The following GABRG1 variants were observed in gnomAD, a reference collection of about 807,000 sequenced individuals.
The protein encoded by GABRG1 is gamma-aminobutyric acid type A receptor subunit gamma1.
GABRG1 carries 49 observed loss-of-function variants against 49.8 expected under a neutral mutation model. The ratio of observed to expected loss-of-function variants is 0.98; its 90% CI spans 0.78 to 1.25. The LOEUF (loss-of-function observed/expected upper bound fraction) is 1.25, where lower values mean the gene tolerates loss of function less well. GABRG1 is among the 50% of genes most tolerant of loss of function. The probability of loss-of-function intolerance (pLI) is 0.00; values close to 1 mark genes in which losing one functional copy is unlikely to be tolerated. For missense variants in GABRG1, 552 were observed against 552.3 expected, an observed-to-expected ratio of 1.00 and a Z score of 0.01; for synonymous variants, 232 against 185.1, an observed-to-expected ratio of 1.25 and a Z score of -2.06.
chr4:46,083,786 A>G (rs1384262419), intron 3 of GABRG1, among the ~76,000 whole-genome samples, 200 bp downstream of exon 3: 2 of 151,532 alleles, frequency 1.3e-5, no homozygotes, highest in Admixed American at 6.6e-5. Flanking sequence ...AACACAGCAC[A>G]TTGGAATAAC....
intron 2 of GABRG1, among the ~76,000 whole-genome samples, chr4:46,096,524 T>C (rs940483702): frequency 6.6e-6 from 1 of 151,724 alleles, no homozygotes; most frequent in Non-Finnish European, 1.5e-5. Flanking sequence ...CCCTTTTATT[T>C]CTTTTCCCTA....
chr4:46,050,469 T>A (rs1718171592), intron 8 of GABRG1, among the ~76,000 whole-genome samples: 1 of 151,920 alleles, frequency 6.6e-6, no homozygotes, highest in Non-Finnish European at 1.5e-5. Flanking sequence ...ACTCATTATA[T>A]ATACATTAAG....
At chr4:46,057,826 C>T (rs576505320) in intron 7 of GABRG1, among the ~76,000 whole-genome samples, 1 of 152,084 alleles carries the variant, frequency 6.6e-6, no homozygotes, top group Admixed American at 6.6e-5. Context: ...CTGCACACCT[C>T]AGTAAATAAA....
At chr4:46,084,395 C>T (rs1719680682) in intron 2 of GABRG1, among the ~76,000 whole-genome samples, 2 of 151,708 alleles carry the variant, frequency 1.3e-5, no homozygotes, top group South Asian at 2.1e-4. Context: ...GTACTTATCA[C>T]TCATAATCGC....
chr4:46,088,009 A>AC (rs1719844625), intron 2 of GABRG1, among the ~76,000 whole-genome samples: 1 of 152,076 alleles, frequency 6.6e-6, no homozygotes, highest in Admixed American at 6.6e-5. Context: ...TCTTAACCAC[A>AC]CTAATCACAT....
chr4:46,066,268 AT>A (rs1210093717), intron 3 of GABRG1, among the ~76,000 whole-genome samples: 1 of 152,254 alleles, frequency 6.6e-6, no homozygotes, highest in South Asian at 2.1e-4. Flanking sequence ...AAACAACCAA[AT>A]TTTTTAAGAG....
chr4:46,050,109 T>C (rs1718158761), intron 8 of GABRG1, among the ~76,000 whole-genome samples: 1 of 151,834 alleles, frequency 6.6e-6, no homozygotes, highest in South Asian at 2.1e-4. Flanking sequence ...AAGCATTCAT[T>C]TTTCTTTATC....
At chr4:46,083,375 T>C (rs1719643241) in intron 3 of GABRG1, among the ~76,000 whole-genome samples, 1 of 151,644 alleles carries the variant, frequency 6.6e-6, no homozygotes. Flanking sequence ...TATTTAAAAA[T>C]GTACATCTGC....
Position 46,123,960 on chromosome 4 carries a change from C to T in GABRG1, c.-47G>A, listed in dbSNP as rs1721176896. ...GCTGCACTAGCTCAATTCTCCCAGC[C>T]AGGACTTTTCCTCCCACCTCAGCAG... On this transcript the variant is annotated 5_prime_UTR_variant, in exon 1 of 9. Transcript: ENST00000295452. 8.3e-6 allele frequency: 12 copies of T among 1,450,330 alleles called. No individual in the cohort carries two copies. The East Asian group carries it at 2.7e-4, about 33-fold the overall frequency. 89.8% of individuals were successfully genotyped at this position (1,450,330 alleles called of 1,614,324 possible).
At chr4:46,043,953 A>G (rs1717885240) in intron 8 of GABRG1, among the ~76,000 whole-genome samples, 1 of 152,012 alleles carries the variant, frequency 6.6e-6, no homozygotes, top group Non-Finnish European at 1.5e-5. Context: ...ATACCATCTG[A>G]TAATTATTAT....
chr4:46,091,089 G>A (rs1719974534), intron 2 of GABRG1, among the ~76,000 whole-genome samples: 1 of 151,614 alleles, frequency 6.6e-6, no homozygotes, highest in South Asian at 2.1e-4. Context: ...CCAAATATAA[G>A]CAGCTCCTAA....
At chr4:46,044,904 T>C (rs901036147) in intron 8 of GABRG1, among the ~76,000 whole-genome samples, 18 of 152,078 alleles carry the variant, frequency 1.2e-4, no homozygotes, top group Admixed American at 5.9e-4. Context: ...CTCTTGATGT[T>C]GGAACTGGAA....
intron 3 of GABRG1, among the ~76,000 whole-genome samples, chr4:46,075,837 G>GT (rs1017974286): frequency 2.0e-5 from 3 of 152,030 alleles, no homozygotes; most frequent in African/African-American, 7.2e-5. Flanking sequence ...AGGCCATTGA[G>GT]TGAAACAACT....
chr4:46,059,132 C>T (rs1448252449), intron 5 of GABRG1, among the ~76,000 whole-genome samples: 1 of 151,976 alleles, frequency 6.6e-6, no homozygotes, highest in Non-Finnish European at 1.5e-5. Flanking sequence ...CAAAGTTGTA[C>T]GTAGCTAAAT....
chr4:46,112,803 G>A (rs566434197), intron 1 of GABRG1, among the ~76,000 whole-genome samples: 1 of 151,168 alleles, frequency 6.6e-6, no homozygotes, highest in African/African-American at 2.4e-5. Context: ...TATGAGGTAA[G>A]GGTTGAAAAA....
At chr4:46,077,076 T>G (rs1719375972) in intron 3 of GABRG1, among the ~76,000 whole-genome samples, 1 of 148,464 alleles carries the variant, frequency 6.7e-6, no homozygotes, top group South Asian at 2.1e-4. Context: ...AAAAAATCCG[T>G]TAAATGTTGC....
chr4:46,078,782 A>G (rs200638471), intron 3 of GABRG1, among the ~76,000 whole-genome samples: 1 of 152,170 alleles, frequency 6.6e-6, no homozygotes, highest in East Asian at 1.9e-4. Flanking sequence ...TTGGTCAAAT[A>G]TTGAAAGTGA....
intron 1 of GABRG1, among the ~76,000 whole-genome samples, chr4:46,113,834 C>A (rs1720793170): frequency 6.6e-6 from 1 of 150,966 alleles, no homozygotes; most frequent in Non-Finnish European, 1.5e-5. Context: ...TCTCCACAGG[C>A]CCTATCTGTG....
chr4:46,082,094 G>A (rs767629473), intron 3 of GABRG1, among the ~76,000 whole-genome samples: 4 of 151,826 alleles, frequency 2.6e-5, no homozygotes, highest in Non-Finnish European at 5.9e-5. Flanking sequence ...GGATCCAGTA[G>A]TTTGAACTCA....
Sources: gnomAD v4.1 joint callset for allele counts (sites outside exome capture counted in the v4.1 genomes callset) on GRCh38, gnomAD v4.1.1 for gene constraint, MANE v1.5 for transcripts, NCBI Gene and HGNC (gene_info 2026-07-23, HGNC 2026-07-21) for gene names.